Variants in VGLL1 observed in about 807,000 individuals in gnomAD.
The protein encoded by VGLL1 is vestigial like family member 1, also known as transcription cofactor vestigial-like protein 1.
VGLL1 carries 4 observed loss-of-function variants against 12.0 expected under a neutral mutation model. The observed-to-expected ratio is 0.33, with a 90% CI of 0.16 to 0.76. VGLL1 has a LOEUF of 0.76. Among genes scored for constraint, VGLL1 ranks in the 30% least tolerant of loss-of-function variants. The pLI, the probability that VGLL1 is intolerant of heterozygous loss-of-function variation, is 0.60. For missense variants in VGLL1, 204 were observed against 208.7 expected, an observed-to-expected ratio of 0.98 and a Z score of 0.14; for synonymous variants, 87 against 81.2, an observed-to-expected ratio of 1.07 and a Z score of -0.39.
At chrX:136,549,432 C>G (rs898730434) in intron 3 of VGLL1, among the ~76,000 whole-genome samples, 3 of 111,367 alleles carry the variant, frequency 2.7e-5, no homozygotes, top group African/African-American at 9.8e-5. Context: ...TGATGTCAGG[C>G]TCCAGGCAAA....
At chrX:136,552,024 C>A (rs1480022471) in intron 4 of VGLL1, among the ~76,000 whole-genome samples, 1 of 111,605 alleles carries the variant, frequency 9.0e-6, no homozygotes, top group Non-Finnish European at 1.9e-5. Context: ...AATCTATAGA[C>A]CCCACTAGAA....
At chrX:136,535,954 C>T in intron 1 of VGLL1, 42 bp from the exon 2 acceptor site, 1 of 1,102,001 alleles carries the variant, frequency 9.1e-7, no homozygotes, top group South Asian at 2.0e-5. Context: ...AGCCAAGCCA[C>T]TTGGTAAATA....
At position 136,550,852 on chromosome X, in the gene VGLL1, G is replaced by GT. The variant is rs1408421180; in HGVS notation, c.688+32dup. On this transcript the variant is annotated intron_variant, in intron 4 of 4. Transcript: ENST00000370634. ...TATCTGGGCCAGCCTTTGATGGTGT[G>GT]TGTCTGTATCCTGAGAACGAACTTG... 8.5e-6 allele frequency: 10 copies of GT among 1,170,710 alleles called. No individual in the cohort carries two copies. The African/African-American group carries it at 1.8e-4, about 21-fold the overall frequency.
At position 136,548,725 on chromosome X, in the gene VGLL1, G is replaced by C. The variant is rs151216817; in HGVS notation, c.351G>C (p.Pro117=). The C allele has an allele frequency of 8.3e-7, 1 of 1,211,889 alleles. No homozygotes were observed. The highest frequency in any genetic ancestry group is 1.1e-6 in the Non-Finnish European group (1 of 895,573). The part of the protein sequence containing the change: ...PGPMAVNQFS[P]SLARRASVRP... ...CCATGGCTGTGAATCAGTTCTCACC[G>C]TCCCTGGCTAGGAGGGCCTCTGTTC... Residue 117 remains proline (P), a synonymous_variant, in exon 3 of 5, where the codon CCG becomes CCC. Transcript: ENST00000370634.
At chrX:136,550,578 A>G in intron 3 of VGLL1, 190 bp from the exon 4 acceptor site, 1 of 383,333 alleles carries the variant, frequency 2.6e-6, no homozygotes, top group Non-Finnish European at 4.5e-6. Flanking sequence ...AATCAGGAAC[A>G]CTGCCTTGGA....
intron 4 of VGLL1, among the ~76,000 whole-genome samples, chrX:136,552,019 A>G (rs1021539911): frequency 2.7e-5 from 3 of 111,681 alleles, no homozygotes; most frequent in African/African-American, 9.8e-5. Flanking sequence ...AGGGCAATCT[A>G]TAGACCCCAC....
chrX:136,544,468 T>C (rs1001398575), intron 2 of VGLL1, among the ~76,000 whole-genome samples: 3 of 112,273 alleles, frequency 2.7e-5, no homozygotes, highest in Non-Finnish European at 5.6e-5. Flanking sequence ...CCCACCTCAC[T>C]GCATTCTTTG....
intron 2 of VGLL1, among the ~76,000 whole-genome samples, chrX:136,544,797 C>T (rs1569361409): frequency 8.9e-6 from 1 of 112,285 alleles, no homozygotes; most frequent in Non-Finnish European, 1.9e-5. Context: ...CCAGTATCTA[C>T]TCCAGCCTCC....
intron 2 of VGLL1, among the ~76,000 whole-genome samples, chrX:136,536,558 C>T (rs758569471): frequency 2.7e-4 from 30 of 111,421 alleles, no homozygotes; most frequent in South Asian, 1.1e-3. Flanking sequence ...AATTAACCCA[C>T]ATTCATCCCA....
At position 136,556,749 on chromosome X, in the gene VGLL1, C is replaced by T. The variant is rs1326956801; in HGVS notation, c.*210C>T. On this transcript the variant is annotated 3_prime_UTR_variant, in exon 5 of 5. Coordinates refer to ENST00000370634, the MANE Select transcript of VGLL1 (RefSeq NM_016267.4). The stretch of plus-strand genomic sequence containing the variant: ...GTTCCCCATCCACACCCTGCTTGCT[C>T]CTGTGTAACAGCTCAGATGATGAAT... 1.0e-4 allele frequency: 39 copies of T among 373,343 alleles called. No homozygotes were observed. The highest frequency in any genetic ancestry group is 3.2e-5 in the Non-Finnish European group (7 of 215,849). The allele number at this position is 373,343 out of a possible 1,213,427, so 30.8% of individuals were successfully genotyped here.
chrX:136,548,517 A>G, intron 2 of VGLL1, 72 bp from the exon 3 acceptor site: 2 of 1,039,183 alleles, frequency 1.9e-6, no homozygotes, highest in Non-Finnish European at 2.6e-6. Flanking sequence ...TAGAGTATGT[A>G]TTAAAAAAAA....
intron 1 of VGLL1, among the ~76,000 whole-genome samples, chrX:136,533,942 C>T (rs2075832834): frequency 8.9e-6 from 1 of 112,385 alleles, no homozygotes; most frequent in East Asian, 2.8e-4. Flanking sequence ...AATTGCTCAT[C>T]TGTAAAATGG....
chrX:136,546,986 C>T (rs2075871299), intron 2 of VGLL1, among the ~76,000 whole-genome samples: 1 of 113,124 alleles, frequency 8.8e-6, no homozygotes, highest in Non-Finnish European at 1.9e-5. Context: ...GCCTTGAGGG[C>T]TTGGACTTCT....
At chrX:136,553,944 T>C (rs1486655759) in intron 4 of VGLL1, among the ~76,000 whole-genome samples, 1 of 112,499 alleles carries the variant, frequency 8.9e-6, no homozygotes, top group Admixed American at 9.4e-5. Context: ...TTTTATCTTT[T>C]GGTCGGTAGA....
intron 2 of VGLL1, among the ~76,000 whole-genome samples, chrX:136,540,968 T>A (rs59042811): frequency 0.2 from 22,425 of 111,382 alleles, 2,381 homozygotes; most frequent in African/African-American, 0.4. Flanking sequence ...ATTATAGGAC[T>A]GTGCTTGTGA....
Position 136,536,065 on chromosome X carries a change from A to G in VGLL1, c.45A>G (p.Lys15=), listed in dbSNP as rs3027859. ...CTGCCATCCGGCTGCCCAAAGGCAAACAGAAGCCTATAAAGACGGAATGGA... is the reference window on the plus strand; with the variant it reads ...CTGCCATCCGGCTGCCCAAAGGCAAGCAGAAGCCTATAAAGACGGAATGGA... ...KKTAIRLPKG[K]QKPIKTEWNS... Residue 15 remains lysine (K), a synonymous_variant, in exon 2 of 5, where the codon AAA becomes AAG. Transcript: ENST00000370634. 0.067 allele frequency: 81,209 copies of G among 1,208,750 alleles called. 7,368 individuals carry two copies. Among genetic ancestry groups the G allele is most frequent in the African/African-American group, 0.55 (30,873 of 56,251 alleles).
At chrX:136,552,869 A>G (rs2075890276) in intron 4 of VGLL1, among the ~76,000 whole-genome samples, 1 of 112,120 alleles carries the variant, frequency 8.9e-6, no homozygotes, top group Non-Finnish European at 1.9e-5. Context: ...TTTACCACAC[A>G]TGAGTTCACT....
chrX:136,537,787 G>A (rs1421711020), intron 2 of VGLL1, among the ~76,000 whole-genome samples: 1 of 107,670 alleles, frequency 9.3e-6, no homozygotes, highest in Non-Finnish European at 1.9e-5. Flanking sequence ...GCAGGTCTTA[G>A]ATTCCTGACC....
intron 2 of VGLL1, among the ~76,000 whole-genome samples, chrX:136,538,946 A>G (rs1169333709): frequency 9.0e-6 from 1 of 110,657 alleles, no homozygotes; most frequent in Non-Finnish European, 1.9e-5. Context: ...GATGTCTAAG[A>G]GTGTGCTGAA....
Sources: allele counts gnomAD v4.1 joint callset (sites outside exome capture counted in the v4.1 genomes callset), GRCh38; gene constraint gnomAD v4.1.1; transcripts MANE v1.5; gene names NCBI Gene and HGNC (gene_info 2026-07-23, HGNC 2026-07-21).